Variants in IQSEC3 observed in about 807,000 individuals in gnomAD.
IQSEC3 encodes IQ motif and SEC7 domain-containing protein 3.
A neutral mutation model predicts 105.4 loss-of-function variants in IQSEC3; 50 were observed. The ratio of observed to expected loss-of-function variants is 0.47; its 90% confidence interval spans 0.38 to 0.60. The LOEUF (loss-of-function observed/expected upper bound fraction) is 0.60, where lower values mean the gene tolerates loss of function less well. Among genes scored for constraint, IQSEC3 ranks in the 20% least tolerant of loss-of-function variants. IQSEC3 has a pLI of 0.00. For synonymous variants in IQSEC3, 708 were observed against 746.0 expected, an observed-to-expected ratio of 0.95 and a Z score of 0.83; for missense variants, 1,415 against 1,630.0, an observed-to-expected ratio of 0.87 and a Z score of 2.27.
intron 2 of IQSEC3, among the ~76,000 whole-genome samples, chr12:110,273 A>G (rs1864836703): frequency 6.6e-6 from 1 of 151,808 alleles, no homozygotes; most frequent in South Asian, 2.1e-4. Context: ...AATCTTTTGC[A>G]GTTTCTTAGT....
chr12:143,667 CCAGCGTTCATGCAGGGCAGTGCTGGGGT>C (rs1866133916), intron 5 of IQSEC3: 1 of 28,236 alleles, frequency 3.5e-5, no homozygotes, highest in African/African-American at 1.4e-4. Context: ...TGCTGGGGTG[CCAGCGTTCATGCAGGGCAGTGCTGGGGT>C]GCCAGGGTTC....
At chr12:90,481 A>G (rs1417045392) in intron 1 of IQSEC3, among the ~76,000 whole-genome samples, 2 of 152,084 alleles carry the variant, frequency 1.3e-5, no homozygotes, top group African/African-American at 2.4e-5. Flanking sequence ...TAAGTCTATG[A>G]TCTATTTTTT....
At chr12:77,894 C>T (rs1186056652) in intron 1 of IQSEC3, among the ~76,000 whole-genome samples, 44 of 151,208 alleles carry the variant, frequency 2.9e-4, no homozygotes, top group South Asian at 4.2e-4. Context: ...GGGATCTCGG[C>T]GGCGTGGGCG....
intron 12 of IQSEC3, among the ~76,000 whole-genome samples, chr12:170,495 G>A (rs563255290): frequency 6.6e-6 from 1 of 152,378 alleles, no homozygotes; most frequent in African/African-American, 2.4e-5. Context: ...CCCAGGGGTT[G>A]GGAAATGAGA....
In IQSEC3 at chr12:141,298, C is replaced by A. The variant is rs1555089173; in HGVS notation, c.2153+13C>A. On this transcript the variant is annotated intron_variant, in intron 5 of 13. Coordinates refer to ENST00000538872, the MANE Select transcript of IQSEC3 (RefSeq NM_001170738.2). The stretch of plus-strand genomic sequence containing the variant: ...GCGACGTGCTGGAGTGAGTACCCCA[C>A]ACTCCGGGCTTTCCCCACTCCTTCC... The A allele has an allele frequency of 1.2e-6, 2 of 1,606,206 alleles. No homozygotes were observed. Among genetic ancestry groups the A allele is most frequent in the Non-Finnish European group, 1.7e-6 (2 of 1,173,754 alleles).
chr12:164,467 C>G (rs1867075928), intron 9 of IQSEC3, among the ~76,000 whole-genome samples: 1 of 152,184 alleles, frequency 6.6e-6, no homozygotes, highest in Non-Finnish European at 1.5e-5. Context: ...CTCCTGTGGG[C>G]CAGGCCTTTG....
intron 5 of IQSEC3, among the ~76,000 whole-genome samples, chr12:155,180 C>T (rs1254599412): frequency 6.6e-6 from 1 of 152,246 alleles, no homozygotes; most frequent in Non-Finnish European, 1.5e-5. Flanking sequence ...AGGAGGGCCA[C>T]CGGGAAATCA....
intron 2 of IQSEC3, among the ~76,000 whole-genome samples, chr12:102,286 T>A (rs1297705230): frequency 2.0e-5 from 3 of 152,160 alleles, no homozygotes; most frequent in Non-Finnish European, 2.9e-5. Flanking sequence ...TCCTGAGGAT[T>A]TCTGGGATCA....
At position 130,683 on chromosome 12, in the gene IQSEC3, C is replaced by T. The variant is rs557866394; in HGVS notation, c.903+4771C>T. On this transcript the variant is annotated intron_variant, in intron 3 of 13. Transcript: ENST00000538872. ...CTGCCCACTCCCAGGCAGGCCTCAA[C>T]GCCCTGCGTGTCAAGCACTTGCTGT... 7.2e-5 allele frequency among the ~76,000 whole-genome samples: 11 copies of T among 152,308 alleles called. 1 individual carries two copies. The highest frequency in any genetic ancestry group is 6.5e-5 in the Admixed American group (1 of 15,308).
intron 3 of IQSEC3, among the ~76,000 whole-genome samples, chr12:126,444 T>C (rs1181085984): frequency 1.3e-5 from 2 of 152,202 alleles, no homozygotes; most frequent in Non-Finnish European, 2.9e-5. Flanking sequence ...GCCTCCATTT[T>C]CCATTCAGGA....
chr12:174,900 C>G lies in IQSEC3; in HGVS notation c.3416C>G (p.Ser1139Cys), dbSNP rs906007858. ...TCCACACCCCTGGGCGGTCCCGGCT[C>G]TCCGGTCAAGGTCACCCACCAGCCT... is the stretch of plus-strand genomic sequence containing the variant. The part of the protein sequence containing the change: ...CGSTPLGGPG[S>C]PVKVTHQPPL... The change falls in exon 14 of 14, where the codon TCT becomes TGT. Residue 1139 changes from serine to cysteine, a missense_variant. Ser to Cys is a moderately radical substitution (Grantham distance 112). Transcript: ENST00000538872. The G allele has an allele frequency of 2.6e-6, 4 of 1,561,332 alleles. No individual in the cohort carries two copies. Among genetic ancestry groups the G allele is most frequent in the Non-Finnish European group, 2.6e-6 (3 of 1,161,856 alleles).
chr12:132,552 C>T (rs754184519), intron 3 of IQSEC3, among the ~76,000 whole-genome samples: 5 of 152,016 alleles, frequency 3.3e-5, no homozygotes, highest in Non-Finnish European at 5.9e-5. Context: ...AAGAGCCCTA[C>T]GTGGTGACAT....
At chr12:164,588 T>C (rs1392461614) in intron 9 of IQSEC3, 2 of 152,292 alleles carry the variant, frequency 1.3e-5, no homozygotes, top group African/African-American at 4.8e-5. Flanking sequence ...CCTTACCCTG[T>C]TTCATTTTCT....
Position 125,782 on chromosome 12 carries a change from C to A in IQSEC3, c.773C>A (p.Ala258Asp). Residue 258 changes from alanine (A) to aspartate (D), a missense_variant, in exon 3 of 14, where the codon GCC becomes GAC. Around this residue, in one of 6 missense-constraint regions of IQSEC3, gnomAD observed 720 missense variants for 633.0 expected, o/e 1.14. Coordinates refer to ENST00000538872, the MANE Select transcript of IQSEC3 (RefSeq NM_001170738.2). ...GAGGAGCGGCCGGGGGCAGGGGCTG[C>A]CTCCCCAAGGGCTGGCCCCCAGCAC... ...EEEERPGAGAASPRAGPQHKA... is the reference protein window; with the variant it reads ...EEEERPGAGADSPRAGPQHKA... 6.6e-7 allele frequency: 1 copy of A among 1,514,716 alleles called. No homozygotes were observed. Among genetic ancestry groups the A allele is most frequent in the Non-Finnish European group, 8.8e-7 (1 of 1,138,088 alleles). The allele number at this position is 1,514,716 out of a possible 1,614,324, so 93.8% of individuals were successfully genotyped here. A position where few individuals can be genotyped will look rare whatever the true frequency, so the allele number is the denominator to read the frequency against.
chr12:137,864 A>G (rs1328216708), intron 3 of IQSEC3, among the ~76,000 whole-genome samples: 3 of 150,208 alleles, frequency 2.0e-5, no homozygotes, highest in Admixed American at 6.6e-5. Context: ...AGGTCTAGCT[A>G]TGTTGCCCAG....
At chr12:84,445 C>G (rs1385277458) in intron 1 of IQSEC3, among the ~76,000 whole-genome samples, 2 of 152,156 alleles carry the variant, frequency 1.3e-5, no homozygotes, top group Non-Finnish European at 1.5e-5. Flanking sequence ...TGTGCACGGG[C>G]AGGGTTGTAT....
intron 3 of IQSEC3, among the ~76,000 whole-genome samples, chr12:127,623 A>G (rs1039018264): frequency 6.6e-6 from 1 of 151,956 alleles, no homozygotes; most frequent in Admixed American, 6.6e-5. Context: ...TTCTGCTCCC[A>G]GCTTCGAAAA....
chr12:175,004 T>C lies in IQSEC3; in HGVS notation c.3520T>C (p.Tyr1174His). 1 of 1,521,090 alleles carries C rather than the reference T, an allele frequency of 6.6e-7. No individual in the cohort carries two copies. Among genetic ancestry groups the C allele is most frequent in the Middle Eastern group, 2.3e-4 (1 of 4,310 alleles). 94.2% of individuals were successfully genotyped at this position (1,521,090 alleles called of 1,614,324 possible). ...AGGCTCCCTGCTGCACGGGCACCGC[T>C]ACTCCAGTGGCTCAAGGAGCCTGGT... ...PPGSLLHGHR[Y>H]SSGSRSLV Residue 1174 changes from tyrosine (Y) to histidine (H), a missense_variant, in exon 14 of 14, where the codon TAC (tyrosine) becomes CAC (histidine). Coordinates refer to ENST00000538872, the MANE Select transcript of IQSEC3 (RefSeq NM_001170738.2).
intron 3 of IQSEC3, among the ~76,000 whole-genome samples, chr12:131,833 G>C (rs1555085208): frequency 6.6e-6 from 1 of 152,206 alleles, no homozygotes; most frequent in Non-Finnish European, 1.5e-5. Flanking sequence ...TCTGGGATCA[G>C]TGGGAGTTGG....
Sources: allele counts gnomAD v4.1 joint callset (sites outside exome capture counted in the v4.1 genomes callset), GRCh38; gene constraint gnomAD v4.1.1; regional missense constraint gnomAD v4.1.1; transcripts MANE v1.5; gene names NCBI Gene and HGNC (gene_info 2026-07-23, HGNC 2026-07-21).